TSPEAR: variants seen among roughly 807,000 people sequenced by gnomAD.
TSPEAR encodes thrombospondin-type laminin G domain and EAR repeat-containing protein.
A neutral mutation model predicts 71.6 loss-of-function variants in TSPEAR; 69 were observed. That is an observed-to-expected ratio of 0.96 (90% CI 0.79 to 1.18). The LOEUF is 1.18. TSPEAR is among the 50% of genes most tolerant of loss of function. TSPEAR has a pLI of 0.00. For missense variants in TSPEAR, 971 were observed against 894.9 expected, an observed-to-expected ratio of 1.09 and a Z score of -1.09; for synonymous variants, 402 against 387.2, an observed-to-expected ratio of 1.04 and a Z score of -0.45.
chr21:44,697,347 G>C (rs2020113), intron 1 of TSPEAR: 62 of 1,612,602 alleles, frequency 3.8e-5, no homozygotes, highest in African/African-American at 5.4e-5. Flanking sequence ...CCCTGCCTGA[G>C]CCTGGTCTGC....
intron 1 of TSPEAR, among the ~76,000 whole-genome samples, chr21:44,674,609 G>A (rs1214886809): frequency 2.0e-5 from 3 of 151,976 alleles, no homozygotes; most frequent in Non-Finnish European, 4.4e-5. Context: ...CTCAGATGCT[G>A]AGAAGGCTGA....
At chr21:44,601,695 C>A (rs1555928895) in intron 1 of TSPEAR, 1 of 1,612,358 alleles carries the variant, frequency 6.2e-7, no homozygotes, top group Non-Finnish European at 8.5e-7. Context: ...CCCGCCCGGC[C>A]TGCTGTGGCC....
At chr21:44,604,401 CA>C (rs1405470528) in intron 1 of TSPEAR, among the ~76,000 whole-genome samples, 1 of 151,616 alleles carries the variant, frequency 6.6e-6, no homozygotes, top group Non-Finnish European at 1.5e-5. Context: ...GTCCAATGGC[CA>C]AAAATCACAG....
chr21:44,570,916 T>TCC (rs2053784914), intron 1 of TSPEAR, among the ~76,000 whole-genome samples: 1 of 152,160 alleles, frequency 6.6e-6, no homozygotes, highest in Non-Finnish European at 1.5e-5. Context: ...AATTCCTTGA[T>TCC]AGGCGCAAAT....
intron 9 of TSPEAR, chr21:44,518,117 C>T (rs2052640530): frequency 2.8e-6 from 1 of 356,884 alleles, no homozygotes; most frequent in Admixed American, 4.3e-5. Context: ...AGCTCTCTGT[C>T]TCATTAGTAG....
At chr21:44,579,676 G>C (rs587723129) in intron 1 of TSPEAR, 9 of 1,517,622 alleles carry the variant, frequency 5.9e-6, no homozygotes, top group Middle Eastern at 2.4e-4. Flanking sequence ...CGTCCCAAGC[G>C]GGGGCAACCT....
In TSPEAR at chr21:44,509,350, C is replaced by G. The variant is rs782747710; in HGVS notation, c.1603G>C (p.Gly535Arg). The change falls in exon 10 of 12, where the codon GGG (glycine) becomes CGG (arginine). Residue 535 changes from glycine to arginine, a missense_variant. Transcript: ENST00000323084. ...GCCACAGCGAGGAAGATCCTCTCCC[C>G]GATCTGGAAGACCTCCCAGTCTGCA... ...GAADWEVFQI[G>R]ERIFLAVANS... is the part of the protein sequence containing the mutation. 4.3e-6 allele frequency: 7 copies of G among 1,613,680 alleles called. 1 individual carries two copies. The highest frequency in any genetic ancestry group is 2.7e-5 in the African/African-American group (2 of 74,836).
At chr21:44,688,332 G>T (rs1555949204) in intron 1 of TSPEAR, among the ~76,000 whole-genome samples, 1 of 152,266 alleles carries the variant, frequency 6.6e-6, no homozygotes. Flanking sequence ...GGGCAGGATG[G>T]CAGACCCAGC....
At chr21:44,635,077 G>A (rs1983465188) in intron 1 of TSPEAR, among the ~76,000 whole-genome samples, 1 of 152,196 alleles carries the variant, frequency 6.6e-6, no homozygotes, top group Non-Finnish European at 1.5e-5. Flanking sequence ...GGGCGCAGTG[G>A]CTCATGCCTG....
At chr21:44,580,578 T>A (rs782233184) in intron 1 of TSPEAR, 68 of 1,606,914 alleles carry the variant, frequency 4.2e-5, no homozygotes, top group Non-Finnish European at 5.1e-5. Context: ...CACGCGGCCA[T>A]GCTGGGGTGG....
chr21:44,509,684 G>T, intron 9 of TSPEAR: 1 of 368,590 alleles, frequency 2.7e-6, no homozygotes, highest in Non-Finnish European at 5.1e-6. Context: ...CTGTGCTCCA[G>T]GTGCCAGACG....
At chr21:44,564,565 C>G (rs587738656) in intron 2 of TSPEAR, among the ~76,000 whole-genome samples, 1 of 152,124 alleles carries the variant, frequency 6.6e-6, no homozygotes, top group South Asian at 2.1e-4. Context: ...GATAAAAGGT[C>G]AACCTATCAT....
chr21:44,525,992 A>G (rs2052848180), intron 7 of TSPEAR, 153 bp from the exon 8 acceptor site: 1 of 687,154 alleles, frequency 1.5e-6, no homozygotes, highest in Non-Finnish European at 2.5e-6. Flanking sequence ...ATTACAGGTC[A>G]TCATGGTGGG....
chr21:44,549,746 G>A (rs2053369140), intron 2 of TSPEAR, among the ~76,000 whole-genome samples: 1 of 152,254 alleles, frequency 6.6e-6, no homozygotes, highest in African/African-American at 2.4e-5. Context: ...TGGTCTGCAT[G>A]TGTCCCCATG....
chr21:44,558,743 G>A, intron 2 of TSPEAR: 11 of 1,574,828 alleles, frequency 7.0e-6, no homozygotes, highest in Non-Finnish European at 9.5e-6. Flanking sequence ...GTGAGCTGGG[G>A]GAGACGTGAG....
At position 44,627,330 on chromosome 21, in the gene TSPEAR, A is replaced by G. The variant is rs201356691; in HGVS notation, c.83-59325T>C. The G allele has an allele frequency of 2.7e-4, 431 of 1,612,946 alleles. 2 individuals are homozygous for G. The highest frequency in any genetic ancestry group is 1.1e-3 in the Middle Eastern group (6 of 5,402). On this transcript the variant is annotated intron_variant, in intron 1 of 11. Coordinates refer to ENST00000323084, the MANE Select transcript of TSPEAR (RefSeq NM_144991.3). ...TGGTCTGCACCCCAGTGAGCCGTGTATCCAGCCCCTGCTGCCAGGTGACCT... is the reference window on the plus strand; with the variant it reads ...TGGTCTGCACCCCAGTGAGCCGTGTGTCCAGCCCCTGCTGCCAGGTGACCT...
In TSPEAR at chr21:44,593,579, G is replaced by A. The variant is rs1980146295; in HGVS notation, c.83-25574C>T. 6.6e-6 allele frequency among the ~76,000 whole-genome samples: 1 copy of A among 152,110 alleles called. No individual in the cohort carries two copies. Among genetic ancestry groups the A allele is most frequent in the Non-Finnish European group, 1.5e-5 (1 of 68,022 alleles). ...GTTCCTGGCCATGACAGGAAGGGAG[G>A]TCAGACACGCCTCGTTACACCCCCT... On this transcript the variant is annotated intron_variant, in intron 1 of 11. Transcript: ENST00000323084. The surrounding 1 kb of genome is among the most constrained non-coding windows in gnomAD (Gnocchi z 5.9).
At chr21:44,510,816 A>C (rs2052348525) in intron 9 of TSPEAR, 1 of 152,266 alleles carries the variant, frequency 6.6e-6, no homozygotes, top group South Asian at 2.1e-4. Context: ...TTAAGCTAAG[A>C]AAGCAAGACT....
rs149866520 is a variant in TSPEAR at position 44,611,578 on chromosome 21, C to T, written c.83-43573G>A. ...TACAGGGGCATCGCACCATAGTTTG[C>T]AGATGGAACAGGTAGGGGTGGCAGG... On this transcript the variant is annotated intron_variant, in intron 1 of 11. Coordinates refer to ENST00000323084, the MANE Select transcript of TSPEAR (RefSeq NM_144991.3). 4.9e-3 allele frequency among the ~76,000 whole-genome samples: 747 copies of T among 152,230 alleles called. 9 individuals carry two copies. Among genetic ancestry groups the T allele is most frequent in the African/African-American group, 0.016 (684 of 41,520 alleles).
Sources: gnomAD v4.1 joint callset for allele counts (sites outside exome capture counted in the v4.1 genomes callset) on GRCh38, gnomAD v4.1.1 for gene constraint, Gnocchi (gnomAD v3.1) non-coding constraint, MANE v1.5 for transcripts, NCBI Gene and HGNC (gene_info 2026-07-23, HGNC 2026-07-21) for gene names.